The following CNTNAP4 variants were observed in gnomAD, a reference collection of about 807,000 sequenced individuals.
The protein encoded by CNTNAP4 is contactin associated protein family member 4.
A neutral mutation model predicts 148.4 loss-of-function variants in CNTNAP4; 98 were observed. That is an observed-to-expected ratio of 0.66 (90% CI 0.56 to 0.78). The LOEUF is 0.78. Ranked by LOEUF, CNTNAP4 falls within the 30% of genes least tolerant of loss-of-function variation. CNTNAP4 has a pLI of 0.00. For synonymous variants in CNTNAP4, 730 were observed against 565.1 expected (o/e 1.29, Z -4.14); for missense variants, 1,935 against 1,565.6 (o/e 1.24, Z -3.98).
chr16:76,459,186 CAGAG>C (rs1444418969), intron 8 of CNTNAP4, among the ~76,000 whole-genome samples: 1 of 152,088 alleles, frequency 6.6e-6, no homozygotes, highest in Non-Finnish European at 1.5e-5. Context: ...ACACGTGACA[CAGAG>C]AGTGTATAAG....
intron 12 of CNTNAP4, among the ~76,000 whole-genome samples, chr16:76,488,522 A>G (rs7193963): frequency 0.085 from 12,932 of 152,190 alleles, 1,669 homozygotes; most frequent in African/African-American, 0.28. Context: ...GAAATTTTCA[A>G]AGTATACCTC....
At chr16:76,357,750 CTCTT>C (rs1326644146) in intron 3 of CNTNAP4, among the ~76,000 whole-genome samples, 3 of 152,202 alleles carry the variant, frequency 2.0e-5, no homozygotes, top group Non-Finnish European at 4.4e-5. Flanking sequence ...AAGTGACTCT[CTCTT>C]GCCTCCATCA....
intron 17 of CNTNAP4, among the ~76,000 whole-genome samples, chr16:76,532,177 G>T (rs2084012045): frequency 6.6e-6 from 1 of 152,196 alleles, no homozygotes; most frequent in Non-Finnish European, 1.5e-5. Context: ...TTGGAGAGCT[G>T]AAGTGTTGTT....
At chr16:76,386,110 A>G (rs117792988) in intron 3 of CNTNAP4, among the ~76,000 whole-genome samples, 1,553 of 152,338 alleles carry the variant, frequency 0.01, 13 homozygotes, top group Non-Finnish European at 0.017. Context: ...GCACATTCAC[A>G]AATGACCACT....
intron 17 of CNTNAP4, among the ~76,000 whole-genome samples, chr16:76,528,563 C>A (rs1240384835): frequency 6.6e-6 from 1 of 152,210 alleles, no homozygotes; most frequent in Non-Finnish European, 1.5e-5. Context: ...CCACGCCTCA[C>A]CTGCAGATTA....
intron 15 of CNTNAP4, among the ~76,000 whole-genome samples, chr16:76,501,488 A>C (rs750756250): frequency 6.6e-6 from 1 of 152,176 alleles, no homozygotes; most frequent in African/African-American, 2.4e-5. Flanking sequence ...TAAGCACACA[A>C]CATCATTCCA....
At chr16:76,294,900 A>G (rs911072266) in intron 1 of CNTNAP4, among the ~76,000 whole-genome samples, 3 of 152,188 alleles carry the variant, frequency 2.0e-5, no homozygotes, top group East Asian at 3.9e-4. Context: ...CAGATACACA[A>G]TGCTTTTGTG....
chr16:76,532,720 G>C (rs1409184180), intron 17 of CNTNAP4, among the ~76,000 whole-genome samples: 1 of 152,124 alleles, frequency 6.6e-6, no homozygotes, highest in African/African-American at 2.4e-5. Context: ...TGAAAACCAA[G>C]ATGTGAGCTG....
At chr16:76,278,130 A>G (rs184669269) in intron 1 of CNTNAP4, among the ~76,000 whole-genome samples, 1 of 152,334 alleles carries the variant, frequency 6.6e-6, no homozygotes, top group East Asian at 1.9e-4. Flanking sequence ...AGAGGAAAAC[A>G]ACTGGCAGAC....
intron 17 of CNTNAP4, among the ~76,000 whole-genome samples, chr16:76,527,752 G>C (rs2083802445): frequency 6.6e-6 from 1 of 152,072 alleles, no homozygotes; most frequent in Admixed American, 6.6e-5. Flanking sequence ...TCACAAAAAA[G>C]TAACTATGTC....
At chr16:76,503,412 A>T (rs34646763) in intron 15 of CNTNAP4, among the ~76,000 whole-genome samples, 10,851 of 152,284 alleles carry the variant, frequency 0.071, 558 homozygotes, top group Non-Finnish European at 0.1. Context: ...AATGAATGAA[A>T]TAAAATGTCT....
intron 15 of CNTNAP4, among the ~76,000 whole-genome samples, chr16:76,507,087 T>G (rs1158462171): frequency 1.0e-5 from 1 of 97,136 alleles, no homozygotes; most frequent in African/African-American, 2.6e-5. Context: ...AAATGTAAAA[T>G]TTTCGTGGGT....
At chr16:76,524,817 A>G (rs987509228) in intron 17 of CNTNAP4, among the ~76,000 whole-genome samples, 12 of 152,168 alleles carry the variant, frequency 7.9e-5, no homozygotes, top group African/African-American at 2.9e-4. Context: ...CACTGAAAAT[A>G]AAAAAGATGA....
At chr16:76,381,768 A>C (rs1186082465) in intron 3 of CNTNAP4, among the ~76,000 whole-genome samples, 1 of 152,214 alleles carries the variant, frequency 6.6e-6, no homozygotes, top group Non-Finnish European at 1.5e-5. Context: ...ATTTTTTAAA[A>C]GAAAGTTACC....
chr16:76,349,961 G>C (rs1019330093), intron 2 of CNTNAP4, among the ~76,000 whole-genome samples: 4 of 151,926 alleles, frequency 2.6e-5, no homozygotes, highest in African/African-American at 9.7e-5. Flanking sequence ...ATATTTTAAA[G>C]CTCCAACTAA....
intron 2 of CNTNAP4, among the ~76,000 whole-genome samples, chr16:76,338,443 A>G (rs1266420520): frequency 1.3e-5 from 2 of 151,956 alleles, no homozygotes; most frequent in East Asian, 1.9e-4. Flanking sequence ...TGTGCCTCAC[A>G]TTGGTTTGCC....
At position 76,522,212 on chromosome 16, in the gene CNTNAP4, G is replaced by A. The variant is rs376248782; in HGVS notation, c.2710G>A (p.Ala904Thr). 3.3e-5 allele frequency: 54 copies of A among 1,613,894 alleles called. No individual in the cohort carries two copies. In the African/African-American group the frequency reaches 4.3e-4, roughly 13 times the overall value. ...QLTPKTQPAP[A>T]DGHVLLQLNS... is the part of the protein sequence containing the mutation. ...GACACCAAAGACACAGCCCGCCCCC[G>A]CTGATGGGCATGTCCTGTTACAGCT... Residue 904 changes from alanine (A) to threonine (T), a missense_variant, in exon 17 of 24, where the codon GCT becomes ACT. Physicochemically the swap from Ala to Thr is moderately conservative, Grantham distance 58. Coordinates refer to ENST00000611870, the MANE Select transcript of CNTNAP4 (RefSeq NM_033401.5).
chr16:76,540,853 A>T (rs2084422105), intron 21 of CNTNAP4, 63 bp downstream of exon 21: 1 of 1,176,350 alleles, frequency 8.5e-7, no homozygotes, highest in South Asian at 1.3e-5. Context: ...CATGGATCAG[A>T]AAAGTCATAT....
chr16:76,438,533 T>A (rs2079919330), intron 4 of CNTNAP4, among the ~76,000 whole-genome samples: 2 of 152,070 alleles, frequency 1.3e-5, no homozygotes, highest in South Asian at 4.1e-4. Flanking sequence ...GGACATATTG[T>A]TATATCCTAG....
Sources: gnomAD v4.1 joint callset for allele counts (sites outside exome capture counted in the v4.1 genomes callset) on GRCh38, gnomAD v4.1.1 for gene constraint, MANE v1.5 for transcripts, NCBI Gene and HGNC (gene_info 2026-07-23, HGNC 2026-07-21) for gene names.